WDR27: variants seen among roughly 807,000 people sequenced by gnomAD.
WDR27 encodes WD repeat-containing protein 27.
Under a neutral mutation model 114.4 loss-of-function variants are expected in WDR27, and 100 were observed. The ratio of observed to expected loss-of-function variants is 0.87; its 90% CI spans 0.74 to 1.03. The LOEUF is 1.03. WDR27 is among the 50% of genes least tolerant of loss of function. The probability of loss-of-function intolerance (pLI) is 0.00; values close to 1 mark genes in which losing one functional copy is unlikely to be tolerated. For missense variants in WDR27, 1,129 were observed against 1,092.9 expected (o/e 1.03, Z -0.47); for synonymous variants, 449 against 423.1 (o/e 1.06, Z -0.75).
At chr6:169,600,965 G>A (rs1197895982) in intron 23 of WDR27, among the ~76,000 whole-genome samples, 1 of 152,008 alleles carries the variant, frequency 6.6e-6, no homozygotes, top group Non-Finnish European at 1.5e-5. Flanking sequence ...TACAGAGAAC[G>A]CCAAAAAGAT....
chr6:169,444,277 A>G, the WDR27 span, among the ~76,000 whole-genome samples: 1 of 152,128 alleles, frequency 6.6e-6, no homozygotes, highest in Admixed American at 6.5e-5. Context: ...GGAGCCAAAT[A>G]ACTGCCCTAT....
chr6:169,676,512 T>C (rs573577264), intron 2 of WDR27, among the ~76,000 whole-genome samples: 2 of 152,300 alleles, frequency 1.3e-5, no homozygotes, highest in Admixed American at 1.3e-4. Flanking sequence ...CTGCAGAAGA[T>C]CCCCTTTCCT....
At chr6:169,576,766 C>CA (rs34375216) in intron 24 of WDR27, among the ~76,000 whole-genome samples, 51,654 of 137,248 alleles carry the variant, frequency 0.38, 10,825 homozygotes, top group East Asian at 0.84. Flanking sequence ...CCCTTTCTCA[C>CA]AAAAAAAAAA....
intron 1 of WDR27, among the ~76,000 whole-genome samples, chr6:169,698,965 T>C (rs942477799): frequency 6.6e-6 from 1 of 152,278 alleles, no homozygotes; most frequent in African/African-American, 2.4e-5. Context: ...AGTGACACTG[T>C]AGGATGTTGC....
chr6:169,451,028 T>TA, the WDR27 span, among the ~76,000 whole-genome samples: 1 of 152,062 alleles, frequency 6.6e-6, no homozygotes, highest in African/African-American at 2.4e-5. Context: ...GCTACAAAGA[T>TA]AAAAACGCTG....
intron 25 of WDR27, among the ~76,000 whole-genome samples, chr6:169,570,598 G>A (rs907764673): frequency 1.3e-5 from 2 of 152,222 alleles, no homozygotes; most frequent in African/African-American, 4.8e-5. Context: ...GGAGGCCTAG[G>A]CGGGCGGATC....
At chr6:169,646,747 C>CAAAAAAAAA (rs201219275) in intron 16 of WDR27, among the ~76,000 whole-genome samples, 2 of 78,556 alleles carry the variant, frequency 2.5e-5, no homozygotes. Flanking sequence ...GTCTCTGTCT[C>CAAAAAAAAA]AAAAAAAAAA....
Position 169,664,109 on chromosome 6 carries a change from G to A in WDR27, c.904+57C>T, listed in dbSNP as rs563558572. On this transcript the variant is annotated intron_variant, in intron 8 of 25. Transcript: ENST00000448612. ...TGTGACCTAGGGCCCTTGACATGGC[G>A]CCTGGTGAAAGATCTGGGCCAAGTG... 54 of 1,465,514 alleles carry A rather than the reference G, an allele frequency of 3.7e-5. 1 individual carries two copies. The South Asian group carries it at 4.0e-4, about 11-fold the overall frequency. 90.8% of individuals were successfully genotyped at this position (1,465,514 alleles called of 1,614,324 possible). A position where few individuals can be genotyped will look rare whatever the true frequency, so the allele number is the denominator to read the frequency against.
intron 25 of WDR27, among the ~76,000 whole-genome samples, chr6:169,477,559 C>T (rs1347046125): frequency 6.6e-6 from 1 of 152,200 alleles, no homozygotes; most frequent in Non-Finnish European, 1.5e-5. Flanking sequence ...GTGCCCCAGC[C>T]TCCCAAGTAG....
At chr6:169,699,237 G>A (rs182397739) in intron 1 of WDR27, among the ~76,000 whole-genome samples, 86 of 152,298 alleles carry the variant, frequency 5.6e-4, no homozygotes, top group African/African-American at 1.8e-3. Context: ...AGGGGCTGCA[G>A]CACTGGGAAA....
chr6:169,645,570 C>T (rs575222907), intron 16 of WDR27, among the ~76,000 whole-genome samples: 9 of 143,972 alleles, frequency 6.3e-5, no homozygotes, highest in East Asian at 2.1e-4. Context: ...CTAGTTCACA[C>T]GAGTCACGCT....
At chr6:169,607,278 A>T (rs1466356350) in intron 22 of WDR27, among the ~76,000 whole-genome samples, 1 of 152,232 alleles carries the variant, frequency 6.6e-6, no homozygotes, top group Non-Finnish European at 1.5e-5. Context: ...TCAAAAAGAC[A>T]CATGCACTCA....
At chr6:169,621,417 C>A (rs111066677) in intron 21 of WDR27, among the ~76,000 whole-genome samples, 9,439 of 152,046 alleles carry the variant, frequency 0.062, 852 homozygotes, top group African/African-American at 0.2. Flanking sequence ...TATACATACA[C>A]ACACGCGCAT....
At chr6:169,677,900 G>A (rs761926274) in intron 2 of WDR27, among the ~76,000 whole-genome samples, 1 of 152,212 alleles carries the variant, frequency 6.6e-6, no homozygotes. Flanking sequence ...TTAAGCCTGC[G>A]GGTGCACAGA....
chr6:169,629,207 A>G (rs932148034), intron 21 of WDR27, among the ~76,000 whole-genome samples: 1 of 152,216 alleles, frequency 6.6e-6, no homozygotes, highest in Non-Finnish European at 1.5e-5. Context: ...ATTATCTTAA[A>G]CCTTGCATGT....
chr6:169,621,394 A>G (rs143474830), intron 21 of WDR27, among the ~76,000 whole-genome samples: 11 of 151,060 alleles, frequency 7.3e-5, no homozygotes, highest in African/African-American at 2.7e-4. Flanking sequence ...ACGCACACAC[A>G]TGCACACATG....
chr6:169,629,927 CAAAAA>C (rs747455041), intron 21 of WDR27, among the ~76,000 whole-genome samples: 1 of 52,422 alleles, frequency 1.9e-5, no homozygotes, highest in Non-Finnish European at 4.1e-5. Context: ...AACTTCATCT[CAAAAA>C]AAAAAAAAAA....
chr6:169,547,286 T>C (rs897206870), intron 25 of WDR27, among the ~76,000 whole-genome samples: 23 of 152,036 alleles, frequency 1.5e-4, no homozygotes, highest in Admixed American at 1.0e-3. Flanking sequence ...CTTTAAAGGA[T>C]AGAAACAGAA....
chr6:169,664,216 G>A lies in WDR27; in HGVS notation c.854C>T (p.Thr285Ile). ...RVARVDLRKK[T>I]ETFSTRRVKS... The stretch of plus-strand genomic sequence containing the variant: ...AACCCTTCTTGTGGAGAAAGTCTCT[G>A]TCTTCTTCCTTAGGTCAACCCGTGC... Residue 285 changes from threonine to isoleucine, a missense_variant, in exon 8 of 26, where the codon ACA becomes ATA. Physicochemically the swap from Thr to Ile is moderately conservative, Grantham distance 89. Transcript: ENST00000448612. The A allele has an allele frequency of 6.2e-7, 1 of 1,612,944 alleles. No homozygotes were observed. The highest frequency in any genetic ancestry group is 8.5e-7 in the Non-Finnish European group (1 of 1,179,266).
Sources: gnomAD v4.1 joint callset for allele counts (sites outside exome capture counted in the v4.1 genomes callset) on GRCh38, gnomAD v4.1.1 for gene constraint, MANE v1.5 for transcripts, NCBI Gene and HGNC (gene_info 2026-07-23, HGNC 2026-07-21) for gene names.